The following DPP10 variants were observed in gnomAD, a reference collection of about 807,000 sequenced individuals.
DPP10 encodes dipeptidyl peptidase like 10.
DPP10 carries 33 observed loss-of-function variants against 120.9 expected under a neutral mutation model. The observed-to-expected ratio is 0.27, with a 90% CI of 0.21 to 0.37. The LOEUF (loss-of-function observed/expected upper bound fraction) is 0.37. Among genes scored for constraint, DPP10 ranks in the 10% least tolerant of loss-of-function variants. The pLI, the probability that DPP10 is intolerant of heterozygous loss-of-function variation, is 1.00. For synonymous variants in DPP10, 337 were observed against 326.1 expected (o/e 1.03, Z -0.36); for missense variants, 816 against 942.8 (o/e 0.87, Z 1.76).
chr2:115,760,016 A>T lies in DPP10; in HGVS notation c.1075-2556A>T, dbSNP rs961896795. Among the ~76,000 whole-genome samples the T allele has an allele frequency of 8.5e-5, 13 of 152,134 alleles. No homozygotes were observed. The South Asian group carries it at 1.2e-3, about 15-fold the overall frequency. The stretch of plus-strand genomic sequence containing the variant: ...AAGAGTGAAACTCCGTCACAAAAAA[A>T]AAATACAAAAAACAAACAAAAAAAA... On this transcript the variant is annotated intron_variant, in intron 11 of 25. Transcript: ENST00000410059.
At chr2:115,531,529 C>A (rs1011617058) in intron 5 of DPP10, among the ~76,000 whole-genome samples, 1 of 151,998 alleles carries the variant, frequency 6.6e-6, no homozygotes, top group African/African-American at 2.4e-5. Context: ...TCATTTCTGA[C>A]CTTGGATGTT....
At chr2:114,806,533 G>A (rs1684728154) in intron 1 of DPP10, among the ~76,000 whole-genome samples, 1 of 152,038 alleles carries the variant, frequency 6.6e-6, no homozygotes, top group Admixed American at 6.5e-5. Context: ...TTGCTTTTTT[G>A]TCGTAATACC....
intron 1 of DPP10, among the ~76,000 whole-genome samples, chr2:115,102,701 G>A (rs530195837): frequency 1.3e-5 from 2 of 151,570 alleles, no homozygotes; most frequent in Admixed American, 1.3e-4. Context: ...GAGCCACCAC[G>A]CCCGGCCATG....
chr2:114,470,194 C>T (rs919052372), intron 1 of DPP10, among the ~76,000 whole-genome samples: 2 of 152,138 alleles, frequency 1.3e-5, no homozygotes, highest in African/African-American at 4.8e-5. Flanking sequence ...GTGTTGTCTC[C>T]ATAGCCAAAG....
chr2:115,416,818 T>G (rs1455240920), intron 3 of DPP10, among the ~76,000 whole-genome samples: 5 of 152,152 alleles, frequency 3.3e-5, no homozygotes, highest in African/African-American at 1.2e-4. Context: ...AGACCAGTTA[T>G]GAGGCTGCGT....
At chr2:114,914,685 A>T (rs1358223077) in intron 1 of DPP10, among the ~76,000 whole-genome samples, 1 of 152,214 alleles carries the variant, frequency 6.6e-6, no homozygotes. Context: ...GACAGGATCA[A>T]ATCCTCACAT....
chr2:115,047,580 T>C (rs1705159801), intron 1 of DPP10, among the ~76,000 whole-genome samples: 1 of 152,074 alleles, frequency 6.6e-6, no homozygotes, highest in Non-Finnish European at 1.5e-5. Context: ...TTTATGAGTC[T>C]AAATGCTGTA....
At chr2:114,571,934 A>T (rs904899301) in intron 1 of DPP10, among the ~76,000 whole-genome samples, 1 of 148,458 alleles carries the variant, frequency 6.7e-6, no homozygotes. Context: ...GTGTACATGT[A>T]GTATATAATA....
At chr2:114,835,147 A>G (rs1343822203) in intron 1 of DPP10, 1 of 150,110 alleles carries the variant, frequency 6.7e-6, no homozygotes, top group Non-Finnish European at 1.5e-5. Flanking sequence ...CTACACACCT[A>G]TGTATATATA....
chr2:115,596,007 A>G (rs944336504), intron 5 of DPP10, among the ~76,000 whole-genome samples: 3 of 152,100 alleles, frequency 2.0e-5, no homozygotes, highest in South Asian at 2.1e-4. Flanking sequence ...TTAATTATGT[A>G]TTAGATTCAG....
chr2:114,609,345 T>C (rs963029907), intron 1 of DPP10, among the ~76,000 whole-genome samples: 5 of 152,142 alleles, frequency 3.3e-5, no homozygotes, highest in Non-Finnish European at 7.3e-5. Context: ...AGGCCAACAT[T>C]TATCCCCTGG....
At position 114,916,529 on chromosome 2, in the gene DPP10, AG is replaced by A. The variant is rs149472277; in HGVS notation, c.61-392709del. Among the ~76,000 whole-genome samples, 1,487 of 152,276 alleles carry A rather than the reference AG, an allele frequency of 9.8e-3. 20 individuals are homozygous for A. The highest frequency in any genetic ancestry group is 0.034 in the African/African-American group (1,433 of 41,542). ...ACACAGACACAAGAACAACAGCAAA[AG>A]CTTCAGGCCAATATTCCTAATGCAT... On this transcript the variant is annotated intron_variant, in intron 1 of 25. Coordinates refer to ENST00000410059, the MANE Select transcript of DPP10 (RefSeq NM_020868.6).
At chr2:115,658,739 T>A (rs1263480860) in intron 5 of DPP10, among the ~76,000 whole-genome samples, 1 of 152,132 alleles carries the variant, frequency 6.6e-6, no homozygotes, top group Non-Finnish European at 1.5e-5. Context: ...GAATATTTCT[T>A]TCTTTACAAT....
intron 1 of DPP10, among the ~76,000 whole-genome samples, chr2:114,741,893 A>T (rs1461826184): frequency 6.6e-6 from 1 of 152,190 alleles, no homozygotes; most frequent in Non-Finnish European, 1.5e-5. Context: ...CTTGATTTTA[A>T]GCTTCTTTCC....
chr2:115,383,592 T>C (rs1375287537), intron 3 of DPP10, among the ~76,000 whole-genome samples: 1 of 152,236 alleles, frequency 6.6e-6, no homozygotes, highest in Non-Finnish European at 1.5e-5. Flanking sequence ...TTTGCTAAGC[T>C]AGTCTTCCTG....
intron 3 of DPP10, among the ~76,000 whole-genome samples, chr2:115,404,641 A>G (rs1287338552): frequency 1.3e-5 from 2 of 152,046 alleles, no homozygotes; most frequent in Non-Finnish European, 1.5e-5. Context: ...AAAAAAAAAG[A>G]CGTTTATTTT....
chr2:115,058,287 A>C (rs1229872537), intron 1 of DPP10, among the ~76,000 whole-genome samples: 4 of 56,264 alleles, frequency 7.1e-5, no homozygotes, highest in Admixed American at 1.8e-4. Context: ...AAAAAAAAAA[A>C]AAAAAAAAAA....
At chr2:115,143,111 C>A (rs1444991776) in intron 1 of DPP10, among the ~76,000 whole-genome samples, 1 of 152,174 alleles carries the variant, frequency 6.6e-6, no homozygotes, top group African/African-American at 2.4e-5. Flanking sequence ...GATCTCCCAG[C>A]TAGATTCACA....
intron 1 of DPP10, among the ~76,000 whole-genome samples, chr2:114,856,811 AC>A (rs1689405912): frequency 6.6e-6 from 1 of 152,276 alleles, no homozygotes; most frequent in East Asian, 1.9e-4. Flanking sequence ...GTTATAACTC[AC>A]CTAGCTATAT....
Sources: gnomAD v4.1 joint callset for allele counts (sites outside exome capture counted in the v4.1 genomes callset) on GRCh38, gnomAD v4.1.1 for gene constraint, MANE v1.5 for transcripts, NCBI Gene and HGNC (gene_info 2026-07-23, HGNC 2026-07-21) for gene names.